The following RNF185 variants were observed in gnomAD, a reference collection of about 807,000 sequenced individuals.
The protein encoded by RNF185 is E3 ubiquitin-protein ligase RNF185.
RNF185 carries 13 observed loss-of-function variants against 24.9 expected under a neutral mutation model. The observed-to-expected ratio is 0.52, with a 90% confidence interval of 0.34 to 0.83. The LOEUF is 0.83. RNF185 is among the 40% of genes least tolerant of loss of function. The pLI is 0.01. For synonymous variants in RNF185, 79 were observed against 90.3 expected (o/e 0.88, Z 0.71); for missense variants, 184 against 244.7 (o/e 0.75, Z 1.65).
chr22:31,198,922 C>T (rs1420421454), intron 5 of RNF185, among the ~76,000 whole-genome samples: 3 of 149,906 alleles, frequency 2.0e-5, no homozygotes, highest in African/African-American at 4.9e-5. Flanking sequence ...TGGTGAAACC[C>T]TGTCTCTGCT....
intron 5 of RNF185, among the ~76,000 whole-genome samples, chr22:31,199,099 CAAAAA>C (rs10710631): frequency 7.0e-6 from 1 of 143,648 alleles, no homozygotes; most frequent in East Asian, 2.0e-4. Flanking sequence ...GACTCTGTCT[CAAAAA>C]AAAAAAAAAA....
chr22:31,187,092 A>G lies in RNF185; in HGVS notation c.-3A>G. 6.2e-7 allele frequency: 1 copy of G among 1,604,958 alleles called. No individual in the cohort carries two copies. The highest frequency in any genetic ancestry group is 1.8e-5 in the Admixed American group (1 of 57,084). ...TCACTCAGAGCTTCGCTGACAGCCA[A>G]GGATGGCAAGCAAGGGGCCCTCGGC... is the stretch of plus-strand genomic sequence containing the variant. On this transcript the variant is annotated 5_prime_UTR_variant, in exon 2 of 7. Transcript: ENST00000326132.
chr22:31,168,800 G>C (rs1022079108), intron 1 of RNF185, among the ~76,000 whole-genome samples: 2 of 152,118 alleles, frequency 1.3e-5, no homozygotes, highest in African/African-American at 4.8e-5. Context: ...GCATTTCCCT[G>C]ATGATTAGTG....
intron 3 of RNF185, 42 bp from the exon 4 acceptor site, chr22:31,195,427 G>A: frequency 7.2e-7 from 1 of 1,381,098 alleles, no homozygotes; most frequent in South Asian, 1.3e-5. Flanking sequence ...CACTCTGGTG[G>A]GTCTTGGGCC....
intron 1 of RNF185, among the ~76,000 whole-genome samples, chr22:31,180,392 G>A (rs2048022891): frequency 6.7e-6 from 1 of 149,706 alleles, no homozygotes; most frequent in African/African-American, 2.5e-5. Context: ...TTGAACCCGG[G>A]AGGTGGAGGT....
At chr22:31,180,523 CTTT>C (rs11419917) in intron 1 of RNF185, among the ~76,000 whole-genome samples, 1 of 142,660 alleles carries the variant, frequency 7.0e-6, no homozygotes. Context: ...TTGTTAAAGA[CTTT>C]TTTTTTTTTT....
chr22:31,182,807 A>G (rs2048051893), intron 1 of RNF185, among the ~76,000 whole-genome samples: 1 of 152,052 alleles, frequency 6.6e-6, no homozygotes, highest in Admixed American at 6.6e-5. Context: ...TTTGTCCTGT[A>G]GAAAGTCCCA....
intron 1 of RNF185, among the ~76,000 whole-genome samples, chr22:31,173,842 T>C (rs983998068): frequency 1.3e-5 from 2 of 152,204 alleles, no homozygotes; most frequent in Non-Finnish European, 2.9e-5. Flanking sequence ...TGTATCTAAT[T>C]TTAGATTTCC....
At chr22:31,173,205 T>A (rs2047946648) in intron 1 of RNF185, among the ~76,000 whole-genome samples, 1 of 150,832 alleles carries the variant, frequency 6.6e-6, no homozygotes, top group African/African-American at 2.5e-5. Flanking sequence ...TGGTTGCAGA[T>A]CCCTCAATTT....
intron 1 of RNF185, among the ~76,000 whole-genome samples, chr22:31,178,598 G>A (rs1307967421): frequency 4.6e-5 from 7 of 152,186 alleles, no homozygotes; most frequent in Admixed American, 3.3e-4. Flanking sequence ...AAAAACAGGT[G>A]AGTTTGATGG....
Position 31,184,048 on chromosome 22 carries a change from C to A in RNF185, c.-48-2999C>A, listed in dbSNP as rs574154835. On this transcript the variant is annotated intron_variant, in intron 1 of 6. Transcript: ENST00000326132. ...CCCACCTCCCGGACGGGGCGGCTGG[C>A]CGGTCGGGGGCTGCCCCTCCCTTCC... 2.7e-5 allele frequency among the ~76,000 whole-genome samples: 4 copies of A among 150,094 alleles called. No homozygotes were observed. In the South Asian group the frequency reaches 8.4e-4, roughly 32 times the overall value.
intron 2 of RNF185, among the ~76,000 whole-genome samples, chr22:31,190,969 A>G (rs1004957374): frequency 1.3e-5 from 2 of 152,228 alleles, no homozygotes; most frequent in African/African-American, 4.8e-5. Context: ...TGATACTCAC[A>G]TGCTATTCAG....
rs2048115365 is a variant in RNF185, at chr22:31,187,909, GATTTTGGTT to G, written c.176+640_176+648del. On this transcript the variant is annotated intron_variant, in intron 2 of 6. Transcript: ENST00000326132. ...GAACCTAGGTGCTAGGTGAAGGTCG[GATTTTGGTT>G]TTTTGTGTGTGTGTGTGTGTTTTTT... Among the ~76,000 whole-genome samples the G allele has an allele frequency of 2.4e-5, 3 of 125,172 alleles. No individual in the cohort carries two copies. The South Asian group carries it at 8.1e-4, about 34-fold the overall frequency. The allele number at this position is 125,172 out of a possible 152,430, so 82.1% of individuals were successfully genotyped here.
intron 1 of RNF185, among the ~76,000 whole-genome samples, chr22:31,183,357 AATCT>A (rs1391683502): frequency 6.6e-6 from 1 of 151,914 alleles, no homozygotes; most frequent in East Asian, 1.9e-4. Flanking sequence ...GTCTTTCCAA[AATCT>A]ATATGCATAA....
chr22:31,202,607 C>CTTT (rs71202049), intron 6 of RNF185, among the ~76,000 whole-genome samples: 5,527 of 83,654 alleles, frequency 0.066, 343 homozygotes, highest in East Asian at 0.33. Context: ...TTGGGAATGC[C>CTTT]TTTTTTTTTT....
chr22:31,174,456 T>G (rs1021838988), intron 1 of RNF185, among the ~76,000 whole-genome samples: 2 of 152,148 alleles, frequency 1.3e-5, no homozygotes, highest in Non-Finnish European at 2.9e-5. Context: ...CATCGCTCAC[T>G]GCAGCCTTGA....
intron 1 of RNF185, among the ~76,000 whole-genome samples, chr22:31,168,155 A>T: frequency 6.6e-6 from 1 of 152,020 alleles, no homozygotes; most frequent in African/African-American, 2.4e-5. Flanking sequence ...GATTTTGTTT[A>T]CTCTAAGTAC....
intron 5 of RNF185, among the ~76,000 whole-genome samples, chr22:31,198,958 G>C (rs903328184): frequency 1.3e-5 from 2 of 150,774 alleles, no homozygotes; most frequent in African/African-American, 4.9e-5. Flanking sequence ...AAATTAGCCG[G>C]GTGTGGTGGC....
rs5749230 is a variant in RNF185 at position 31,192,390 on chromosome 22, G to A, written c.177-294G>A. Among the ~76,000 whole-genome samples the A allele has an allele frequency of 0.026, 3,989 of 152,210 alleles. 443 individuals are homozygous for A. In the East Asian group the frequency reaches 0.37, roughly 14 times the overall value. ...ATTTGTAGAGAAGCTGGGTCTGTGT[G>A]GTCTGAGCCCTGGGGATTTCACATA... On this transcript the variant is annotated intron_variant, in intron 2 of 6. Coordinates refer to ENST00000326132, the MANE Select transcript of RNF185 (RefSeq NM_152267.4).
Sources: allele counts gnomAD v4.1 joint callset (sites outside exome capture counted in the v4.1 genomes callset), GRCh38; gene constraint gnomAD v4.1.1; transcripts MANE v1.5; gene names NCBI Gene and HGNC (gene_info 2026-07-23, HGNC 2026-07-21).